The following VRK1 variants were observed in gnomAD, a reference collection of about 807,000 sequenced individuals.
VRK1 encodes VRK serine/threonine kinase 1.
VRK1 carries 33 observed loss-of-function variants against 57.1 expected under a neutral mutation model. The observed-to-expected ratio is 0.58, with a 90% CI of 0.44 to 0.77. The LOEUF is 0.77. VRK1 is among the 30% of genes least tolerant of loss of function. The probability of loss-of-function intolerance (pLI) is 0.00; values close to 1 mark genes in which losing one functional copy is unlikely to be tolerated. For synonymous variants in VRK1, 137 were observed against 147.8 expected, an observed-to-expected ratio of 0.93 and a Z score of 0.53; for missense variants, 413 against 477.3, an observed-to-expected ratio of 0.87 and a Z score of 1.25.
intron 4 of VRK1, 114 bp downstream of exon 4, chr14:96,846,278 T>A: frequency 9.4e-7 from 1 of 1,067,920 alleles, no homozygotes; most frequent in Admixed American, 2.1e-5. Context: ...TTTTTTGCTT[T>A]ATAAATTCCA....
intron 2 of VRK1, 129 bp from the exon 3 acceptor site, chr14:96,837,633 T>A: frequency 2.3e-6 from 1 of 442,768 alleles, no homozygotes; most frequent in Non-Finnish European, 3.8e-6. Flanking sequence ...TGTACTGTAA[T>A]GATATCCTGA....
At chr14:96,832,803 T>C (rs1279905237) in intron 1 of VRK1, among the ~76,000 whole-genome samples, 1 of 151,814 alleles carries the variant, frequency 6.6e-6, no homozygotes, top group Non-Finnish European at 1.5e-5. Flanking sequence ...TTGAAAGTTG[T>C]GCTCCTTCCT....
At chr14:96,819,580 T>C (rs147453510) in intron 1 of VRK1, among the ~76,000 whole-genome samples, 51 of 152,296 alleles carry the variant, frequency 3.3e-4, no homozygotes, top group African/African-American at 1.0e-3. Flanking sequence ...ATAACTAGGC[T>C]CAAACACATC....
Position 96,856,072 on chromosome 14 carries a change from T to C in VRK1, c.710-58T>C, listed in dbSNP as rs974203406. 2.1e-5 allele frequency: 34 copies of C among 1,584,734 alleles called. No homozygotes were observed. The Admixed American group carries it at 5.2e-4, about 24-fold the overall frequency. On this transcript the variant is annotated intron_variant, in intron 8 of 12. Coordinates refer to ENST00000216639, the MANE Select transcript of VRK1 (RefSeq NM_003384.3). Reference sequence around the variant, plus strand: ...TTATGTTATTACTTTATATATACTTTAAATTATACATTAAAAATTATTTCA... The same window carrying C: ...TTATGTTATTACTTTATATATACTTCAAATTATACATTAAAAATTATTTCA...
At chr14:96,850,868 A>G (rs1461052033) in intron 5 of VRK1, among the ~76,000 whole-genome samples, 1 of 152,208 alleles carries the variant, frequency 6.6e-6, no homozygotes, top group Non-Finnish European at 1.5e-5. Flanking sequence ...ATTTCCTTTG[A>G]ACATCTTGTT....
intron 1 of VRK1, among the ~76,000 whole-genome samples, chr14:96,828,683 T>C (rs924685261): frequency 5.4e-5 from 8 of 149,304 alleles, no homozygotes; most frequent in Admixed American, 2.0e-4. Context: ...CCAAGTATAA[T>C]TTTTTTTTTT....
chr14:96,835,187 A>C (rs191569723), intron 2 of VRK1, among the ~76,000 whole-genome samples: 2 of 152,172 alleles, frequency 1.3e-5, no homozygotes, highest in Non-Finnish European at 2.9e-5. Flanking sequence ...CTCTGTCTCT[A>C]TGATACACTG....
chr14:96,812,635 C>G (rs1460391820), intron 1 of VRK1, among the ~76,000 whole-genome samples: 1 of 152,200 alleles, frequency 6.6e-6, no homozygotes, highest in Non-Finnish European at 1.5e-5. Context: ...AATGTTCACT[C>G]TGATTTACTT....
chr14:96,825,444 G>C (rs1162742747), intron 1 of VRK1, among the ~76,000 whole-genome samples: 1 of 152,086 alleles, frequency 6.6e-6, no homozygotes, highest in Non-Finnish European at 1.5e-5. Context: ...TGGTAGTTGG[G>C]GAAAAATACT....
chr14:96,865,499 C>T (rs1888549736), intron 11 of VRK1, among the ~76,000 whole-genome samples: 1 of 152,120 alleles, frequency 6.6e-6, no homozygotes, highest in African/African-American at 2.4e-5. Flanking sequence ...CTTTGCTATT[C>T]TTCGCTCTTT....
At chr14:96,809,702 A>T (rs1034660849) in intron 1 of VRK1, among the ~76,000 whole-genome samples, 3 of 151,418 alleles carry the variant, frequency 2.0e-5, no homozygotes, top group African/African-American at 7.3e-5. Context: ...TCTCACAAAT[A>T]GCTGGGATTA....
intron 10 of VRK1, among the ~76,000 whole-genome samples, chr14:96,857,114 G>A (rs370101578): frequency 6.6e-6 from 1 of 152,176 alleles, no homozygotes; most frequent in Admixed American, 6.5e-5. Flanking sequence ...GGGACTGGGG[G>A]TACATCAGTG....
intron 1 of VRK1, among the ~76,000 whole-genome samples, chr14:96,824,238 G>A (rs1886714733): frequency 1.3e-5 from 2 of 152,140 alleles, no homozygotes; most frequent in South Asian, 4.1e-4. Flanking sequence ...ATATGATAAA[G>A]TGGAACAAGC....
intron 1 of VRK1, among the ~76,000 whole-genome samples, chr14:96,825,695 A>C (rs79203037): frequency 1.3e-5 from 2 of 152,156 alleles, no homozygotes; most frequent in Non-Finnish European, 2.9e-5. Flanking sequence ...AATGAGAGAA[A>C]AGGCTTTGTG....
At chr14:96,861,940 T>G (rs1487121094) in intron 11 of VRK1, among the ~76,000 whole-genome samples, 1 of 152,222 alleles carries the variant, frequency 6.6e-6, no homozygotes, top group Non-Finnish European at 1.5e-5. Context: ...AGCATGTTTC[T>G]TATTGCTCAG....
intron 7 of VRK1, among the ~76,000 whole-genome samples, chr14:96,854,235 A>G (rs756946035): frequency 2.6e-5 from 4 of 152,206 alleles, no homozygotes; most frequent in Non-Finnish European, 4.4e-5. Flanking sequence ...AACAACCTGA[A>G]CAATAAGGGT....
intron 5 of VRK1, among the ~76,000 whole-genome samples, chr14:96,848,456 C>T (rs10148869): frequency 0.048 from 7,250 of 152,138 alleles, 192 homozygotes; most frequent in Non-Finnish European, 0.063. Context: ...ATTGGTGCTC[C>T]GTTAGAAAAG....
chr14:96,817,568 G>A (rs1886442149), intron 1 of VRK1, among the ~76,000 whole-genome samples: 1 of 151,786 alleles, frequency 6.6e-6, no homozygotes, highest in Admixed American at 6.6e-5. Flanking sequence ...TTTCCTCTTA[G>A]AGTATTTGGA....
intron 10 of VRK1, among the ~76,000 whole-genome samples, chr14:96,858,470 GTATT>G (rs1888255615): frequency 1.3e-5 from 2 of 152,122 alleles, no homozygotes; most frequent in Admixed American, 6.5e-5. Context: ...ATACCATTAT[GTATT>G]TATTCTGCTC....
Sources: gnomAD v4.1 joint callset for allele counts (sites outside exome capture counted in the v4.1 genomes callset) on GRCh38, gnomAD v4.1.1 for gene constraint, MANE v1.5 for transcripts, NCBI Gene and HGNC (gene_info 2026-07-23, HGNC 2026-07-21) for gene names.